TTN: variants seen among roughly 807,000 people sequenced by gnomAD.
TTN encodes the protein titin, also known as connectin.
A neutral mutation model predicts 3,223.0 loss-of-function variants in TTN; 1,525 were observed. The ratio of observed to expected loss-of-function variants is 0.47; its 90% CI spans 0.45 to 0.49. The LOEUF (loss-of-function observed/expected upper bound fraction) is 0.49, where lower values mean the gene tolerates loss of function less well. Ranked by LOEUF, TTN falls within the 20% of genes least tolerant of loss-of-function variation. The pLI is 0.00. For synonymous variants in TTN, 14,094 were observed against 15,161.0 expected, an observed-to-expected ratio of 0.93 and a Z score of 5.17; for missense variants, 40,786 against 43,424.0, an observed-to-expected ratio of 0.94 and a Z score of 5.40.
chr2:178,532,019 C>T lies in TTN; in HGVS notation c.104596G>A (p.Glu34866Lys). 2 of 1,613,890 alleles carry T rather than the reference C, an allele frequency of 1.2e-6. No individual in the cohort carries two copies. The highest frequency in any genetic ancestry group is 1.7e-6 in the Non-Finnish European group (2 of 1,179,872). ...CTTTCTGTGTCATCTTCGTATTCCTCAGCCGGTTGTGGACGTGACCGGATC... is the reference window on the plus strand; with the variant it reads ...CTTTCTGTGTCATCTTCGTATTCCTTAGCCGGTTGTGGACGTGACCGGATC... ...ELIRSRPQPA[E>K]EYEDDTERRS... Residue 34866 changes from glutamate (E) to lysine (K), a missense_variant, in exon 358 of 363, where the codon GAG becomes AAG. Glu to Lys is a moderately conservative substitution (Grantham distance 56, BLOSUM62 1). Coordinates refer to ENST00000589042, the MANE Select transcript of TTN (RefSeq NM_001267550.2).
Position 178,567,673 on chromosome 2 carries a change from A to G in TTN, c.78459T>C (p.Leu26153=), listed in dbSNP as rs374788722. 5.0e-6 allele frequency: 8 copies of G among 1,612,288 alleles called. No homozygotes were observed. The highest frequency in any genetic ancestry group is 1.3e-5 in the African/African-American group (1 of 74,864). ...TGAATTCATATCTTTGATCTTCAGTAAGACCTGACACAGTAAATTGAGTTT... is the reference window on the plus strand; with the variant it reads ...TGAATTCATATCTTTGATCTTCAGTGAGACCTGACACAGTAAATTGAGTTT... ...VIETQFTVSG[L]TEDQRYEFRV... is the part of the protein sequence containing the mutation. The change falls in exon 326 of 363, where the codon CTT becomes CTC. Residue 26153 remains leucine, a synonymous_variant. Coordinates refer to ENST00000589042, the MANE Select transcript of TTN (RefSeq NM_001267550.2).
At chr2:178,751,476 A>C in intron 47 of TTN, 1 of 1,613,270 alleles carries the variant, frequency 6.2e-7, no homozygotes, top group African/African-American at 1.3e-5. Context: ...TTTTTGTTAA[A>C]GGGAGAGCCA....
chr2:178,799,404 G>T, intron 6 of TTN, 83 bp downstream of exon 6: 1 of 1,605,544 alleles, frequency 6.2e-7, no homozygotes, highest in East Asian at 2.2e-5. Flanking sequence ...CGCATGCCCT[G>T]CGAGGGGGAC....
chr2:178,801,711 C>A (rs1024888008), intron 3 of TTN, among the ~76,000 whole-genome samples: 9 of 152,050 alleles, frequency 5.9e-5, no homozygotes, highest in African/African-American at 2.2e-4. Flanking sequence ...TGTTTACATG[C>A]CTCTTAAATG....
Position 178,612,120 on chromosome 2 carries a change from GT to G in TTN, c.50290del (p.Thr16764GlnfsTer7). On this transcript the variant is annotated frameshift_variant, in exon 267 of 363. Coordinates refer to ENST00000589042, the MANE Select transcript of TTN (RefSeq NM_001267550.2). LOFTEE classifies it high-confidence loss of function. ...PPYALAVVDVTKRHVDLKWEP... is the reference protein window; with the variant it reads ...PPYALAVVDVXKRHVDLKWEP... ...CCACTTTAGGTCAACATGTCGTTTT[GT>G]CACATCAACCACTGCCAGGGCGTAG... 1 of 1,611,972 alleles carries G rather than the reference GT, an allele frequency of 6.2e-7. No individual in the cohort carries two copies. Among genetic ancestry groups the G allele is most frequent in the Non-Finnish European group, 8.5e-7 (1 of 1,178,952 alleles).
rs754142672 is a variant in TTN at position 178,721,859 on chromosome 2, G to A, written c.22804C>T (p.Leu7602Phe). Residue 7602 changes from leucine (L) to phenylalanine (F), a missense_variant, in exon 78 of 363, where the codon CTC becomes TTC. Leu to Phe is a conservative substitution (Grantham distance 22). Transcript: ENST00000589042. The part of the protein sequence containing the change: ...DVGKDMCSAQ[L>F]SVKEPPKFVK... Reference sequence around the variant, plus strand: ...CATGGAATGATACCTTTTACACTGAGCTGAGCTGAGCACATGTCTTTGCCA... The same window carrying A: ...CATGGAATGATACCTTTTACACTGAACTGAGCTGAGCACATGTCTTTGCCA... 2 of 1,608,330 alleles carry A rather than the reference G, an allele frequency of 1.2e-6. No individual in the cohort carries two copies. The highest frequency in any genetic ancestry group is 8.5e-7 in the Non-Finnish European group (1 of 1,177,080).
At chr2:178,767,488 G>C (rs1277563382) in intron 40 of TTN, among the ~76,000 whole-genome samples, 1 of 152,190 alleles carries the variant, frequency 6.6e-6, no homozygotes, top group African/African-American at 2.4e-5. Flanking sequence ...GGTTGGTGCT[G>C]CTTGGCAAGC....
intron 111 of TTN, among the ~76,000 whole-genome samples, chr2:178,700,828 A>C (rs1035777156): frequency 1.3e-5 from 2 of 148,670 alleles, no homozygotes; most frequent in African/African-American, 5.1e-5. Context: ...TTTGTTATAC[A>C]TAGTAGTTAG....
At chr2:178,777,607 A>G in intron 25 of TTN, 23 bp from the exon 26 acceptor site, 1 of 1,613,590 alleles carries the variant, frequency 6.2e-7, no homozygotes, top group Non-Finnish European at 8.5e-7. Context: ...GTTTAAAAGA[A>G]AGTAGATTTT....
intron 133 of TTN, 31 bp downstream of exon 133, chr2:178,683,968 A>G: frequency 2.4e-6 from 3 of 1,259,410 alleles, no homozygotes; most frequent in Non-Finnish European, 2.1e-6. Context: ...GCTTATTTTG[A>G]TTTTTTTTTT....
rs767376871 is a variant in TTN, at chr2:178,534,444, C to T, written c.102171G>A (p.Glu34057=). Residue 34057 remains glutamate (E), a synonymous_variant, in exon 358 of 363, where the codon GAG becomes GAA. Coordinates refer to ENST00000589042, the MANE Select transcript of TTN (RefSeq NM_001267550.2). The part of the protein sequence containing the change: ...MDFVDRLLVK[E]RKSRMTASEA... ...CCGATGCTGTCATGCGAGATTTCCTCTCTTTCACTAACAACCGGTCAACAA... is the reference window on the plus strand; with the variant it reads ...CCGATGCTGTCATGCGAGATTTCCTTTCTTTCACTAACAACCGGTCAACAA... 1 of 1,613,006 alleles carries T rather than the reference C, an allele frequency of 6.2e-7. No individual in the cohort carries two copies. Among genetic ancestry groups the T allele is most frequent in the East Asian group, 2.2e-5 (1 of 44,882 alleles).
Position 178,649,593 on chromosome 2 carries a change from C to A in TTN, c.39934G>T (p.Val13312Phe). 2 of 1,550,040 alleles carry A rather than the reference C, an allele frequency of 1.3e-6. No individual in the cohort carries two copies. The highest frequency in any genetic ancestry group is 1.7e-6 in the Non-Finnish European group (2 of 1,146,584). Residue 13312 changes from valine (V) to phenylalanine (F), a missense_variant, in exon 212 of 363, where the codon GTC (valine) becomes TTC (phenylalanine). Coordinates refer to ENST00000589042, the MANE Select transcript of TTN (RefSeq NM_001267550.2). ...MPKKVVPVKK[V>F]PTVKKPETPA... ...GTTTCTGGCTTCTTAACAGTTGGGA[C>A]CTTCTTCACTGGAACAACTTTCTTT... is the stretch of plus-strand genomic sequence containing the variant.
intron 146 of TTN, 92 bp downstream of exon 146, chr2:178,677,529 G>C (rs751963355): frequency 2.7e-4 from 353 of 1,328,432 alleles, no homozygotes; most frequent in Non-Finnish European, 3.4e-4. Context: ...GAGGGTAAAG[G>C]ATTATAGATA....
chr2:178,805,411 T>C (rs971688995), intron 1 of TTN, among the ~76,000 whole-genome samples: 1 of 152,022 alleles, frequency 6.6e-6, no homozygotes, highest in African/African-American at 2.4e-5. Context: ...GAAAATTATT[T>C]TAAAAATTTT....
At chr2:178,764,357 A>G in intron 42 of TTN, 55 bp from the exon 43 acceptor site, 1 of 1,613,088 alleles carries the variant, frequency 6.2e-7, no homozygotes, top group Non-Finnish European at 8.5e-7. Flanking sequence ...GAGACCTCAC[A>G]GAAGGGAGCA....
chr2:178,569,518 A>C lies in TTN; in HGVS notation c.76614T>G (p.Pro25538=), dbSNP rs1707341260. 2 of 1,612,770 alleles carry C rather than the reference A, an allele frequency of 1.2e-6. No individual in the cohort carries two copies. Among genetic ancestry groups the C allele is most frequent in the Non-Finnish European group, 8.5e-7 (1 of 1,179,254 alleles). The change falls in exon 326 of 363, where the codon CCT becomes CCG. Residue 25538 remains proline (P), a synonymous_variant. Transcript: ENST00000589042. The stretch of plus-strand genomic sequence containing the variant: ...CCTTTCCCCATTTAACTTCTGGTGT[A>C]GGACGACCTTTTATAGGAACAAATA... The part of the protein sequence containing the change: ...LRLFVPIKGR[P]TPEVKWGKVD...
rs765783194 is a variant in TTN, at chr2:178,632,535, T to C, written c.43471A>G (p.Ile14491Val). The C allele has an allele frequency of 1.9e-6, 3 of 1,612,750 alleles. No homozygotes were observed. In the Admixed American group the frequency reaches 5.0e-5, roughly 27 times the overall value. Residue 14491 changes from isoleucine (I) to valine (V), a missense_variant, in exon 235 of 363, where the codon ATC (isoleucine) becomes GTC (valine). By Grantham distance (29) the Ile-to-Val change is conservative (BLOSUM62 3). Transcript: ENST00000589042. ...AEDKHTSGKLIIEGIRLKFLT... is the reference protein window; with the variant it reads ...AEDKHTSGKLVIEGIRLKFLT... ...TGATAAAACTATTTACCTTCAATGATCAGTTTGCCACTTGTGTGCTTATCT... is the reference window on the plus strand; with the variant it reads ...TGATAAAACTATTTACCTTCAATGACCAGTTTGCCACTTGTGTGCTTATCT...
At chr2:178,750,252 G>A in intron 47 of TTN, 1 of 1,613,226 alleles carries the variant, frequency 6.2e-7, no homozygotes, top group Middle Eastern at 1.7e-4. Flanking sequence ...AAGTAGTCAT[G>A]GAACACTGGG....
chr2:178,717,805 T>C lies in TTN; in HGVS notation c.25069A>G (p.Lys8357Glu). The C allele has an allele frequency of 6.2e-7, 1 of 1,605,292 alleles. No homozygotes were observed. Among genetic ancestry groups the C allele is most frequent in the Non-Finnish European group, 8.5e-7 (1 of 1,175,428 alleles). Reference protein sequence around the residue: ...SSAVLVIKARKLPPFFARKLK... With the variant: ...SSAVLVIKARELPPFFARKLK... ...TTTCTTGCAAAGAAAGGTGGAAGTT[T>C]GCGCGCTGTAAAGAAGTTACAGATA... The change falls in exon 87 of 363, where the codon AAA becomes GAA. Residue 8357 changes from lysine (K) to glutamate (E), a missense_variant. Transcript: ENST00000589042.
Sources: gnomAD v4.1 joint callset for allele counts (sites outside exome capture counted in the v4.1 genomes callset) on GRCh38, gnomAD v4.1.1 for gene constraint, MANE v1.5 for transcripts, NCBI Gene and HGNC (gene_info 2026-07-23, HGNC 2026-07-21) for gene names.